CFAP70: variants seen among roughly 807,000 people sequenced by gnomAD.
CFAP70 encodes cilia and flagella associated protein 70.
In CFAP70, 81 loss-of-function variants were observed where a neutral mutation model predicts 137.6. That is an observed-to-expected ratio of 0.59 (90% CI 0.49 to 0.71). The LOEUF (loss-of-function observed/expected upper bound fraction) is 0.71, where lower values mean the gene tolerates loss of function less well. Among genes scored for constraint, CFAP70 ranks in the 30% least tolerant of loss-of-function variants. The pLI, the probability that CFAP70 is intolerant of heterozygous loss-of-function variation, is 0.00. For synonymous variants in CFAP70, 382 were observed against 423.6 expected (o/e 0.90, Z 1.20); for missense variants, 976 against 1,226.7 (o/e 0.80, Z 3.05).
At chr10:73,293,357 G>A in exon 16 of CFAP70, 1 of 1,609,414 alleles carries the variant, frequency 6.2e-7, no homozygotes. Context: ...ATAAATGGTT[G>A]CAACAGTGCC....
At chr10:73,274,707 CT>C (rs1564765765) in intron 22 of CFAP70, 113 bp from the exon 24 acceptor site, 2 of 1,010,614 alleles carry the variant, frequency 2.0e-6, no homozygotes, top group Non-Finnish European at 2.8e-6. Flanking sequence ...TTTCTCTTTT[CT>C]TTTTCAGATC....
intron 25 of CFAP70, among the ~76,000 whole-genome samples, chr10:73,268,673 TC>T (rs2045978670): frequency 6.9e-6 from 1 of 145,726 alleles, no homozygotes; most frequent in African/African-American, 2.5e-5. Flanking sequence ...GGGTAAGAAC[TC>T]TTTTTATTTG....
At chr10:73,316,625 A>G (rs1455259201) in intron 9 of CFAP70, among the ~76,000 whole-genome samples, 1 of 151,430 alleles carries the variant, frequency 6.6e-6, no homozygotes, top group Non-Finnish European at 1.5e-5. Flanking sequence ...TAGGATTACA[A>G]TATACATCCT....
chr10:73,262,376 T>C (rs1344835792), intron 25 of CFAP70, among the ~76,000 whole-genome samples: 1 of 152,114 alleles, frequency 6.6e-6, no homozygotes, highest in Non-Finnish European at 1.5e-5. Context: ...AGATCAGCTG[T>C]CATGGTCTCA....
At chr10:73,330,311 G>A (rs776670537) in intron 8 of CFAP70, among the ~76,000 whole-genome samples, 14 of 151,782 alleles carry the variant, frequency 9.2e-5, no homozygotes, top group East Asian at 1.9e-4. Context: ...TTAGCCGGGC[G>A]TGGTGGTGTG....
In CFAP70 at chr10:73,269,598, G is replaced by C; in HGVS notation, c.3027+16C>G. 1 of 1,595,554 alleles carries C rather than the reference G, an allele frequency of 6.3e-7. No homozygotes were observed. The highest frequency in any genetic ancestry group is 8.6e-7 in the Non-Finnish European group (1 of 1,163,854). On this transcript the variant is annotated intron_variant, in intron 25 of 26. Coordinates refer to ENST00000310715, the Ensembl canonical transcript of CFAP70. ...GTGCCCTAAAAGGGCATTGTGTAAG[G>C]ATAATAAACACTCACTTTCAGGCAG...
intron 25 of CFAP70, among the ~76,000 whole-genome samples, chr10:73,258,398 A>T (rs946563527): frequency 2.6e-5 from 4 of 152,360 alleles, no homozygotes; most frequent in African/African-American, 9.6e-5. Flanking sequence ...ATACTCTTAT[A>T]ATTTCCTATG....
chr10:73,354,443 T>C (rs1223290491), intron 2 of CFAP70, among the ~76,000 whole-genome samples: 1 of 152,182 alleles, frequency 6.6e-6, no homozygotes, highest in East Asian at 1.9e-4. Context: ...TCTGGAAGAA[T>C]TCAGATCCTT....
chr10:73,330,362 A>G (rs2051948890), intron 8 of CFAP70, among the ~76,000 whole-genome samples: 2 of 151,388 alleles, frequency 1.3e-5, no homozygotes, highest in South Asian at 4.2e-4. Flanking sequence ...AGGCAGGAGA[A>G]TCGTTTGAAC....
chr10:73,281,882 A>G (rs2047282746), intron 19 of CFAP70, among the ~76,000 whole-genome samples: 1 of 152,232 alleles, frequency 6.6e-6, no homozygotes, highest in South Asian at 2.1e-4. Context: ...TAAGTGAATT[A>G]ATGCAGGAAC....
chr10:73,307,248 T>C (rs1335001056), intron 12 of CFAP70, among the ~76,000 whole-genome samples: 1 of 151,948 alleles, frequency 6.6e-6, no homozygotes, highest in African/African-American at 2.4e-5. Context: ...CCAAATGGCA[T>C]ACTGCAAAAA....
intron 2 of CFAP70, among the ~76,000 whole-genome samples, chr10:73,353,959 A>C (rs946338160): frequency 6.6e-6 from 1 of 152,268 alleles, no homozygotes; most frequent in Non-Finnish European, 1.5e-5. Context: ...TGGAGTCTTG[A>C]AAATAACATT....
At chr10:73,254,159 T>C in intron 26 of CFAP70, 104 bp from the exon 28 acceptor site, 1 of 873,364 alleles carries the variant, frequency 1.1e-6, no homozygotes, top group Non-Finnish European at 1.7e-6. Flanking sequence ...AGAACATAGT[T>C]CCCTGGGATG....
chr10:73,351,220 G>A (rs1344299393), intron 3 of CFAP70, among the ~76,000 whole-genome samples: 2 of 146,870 alleles, frequency 1.4e-5, no homozygotes, highest in Admixed American at 6.8e-5. Context: ...CTGGGTTCTC[G>A]CCATTCTCCT....
chr10:73,311,603 A>C (rs182413831), intron 11 of CFAP70, among the ~76,000 whole-genome samples: 1 of 152,364 alleles, frequency 6.6e-6, no homozygotes, highest in African/African-American at 2.4e-5. Flanking sequence ...AGAATTAACA[A>C]AAGATATAAT....
At chr10:73,255,928 G>T (rs2044444659) in intron 26 of CFAP70, among the ~76,000 whole-genome samples, 1 of 152,154 alleles carries the variant, frequency 6.6e-6, no homozygotes. Context: ...TGTACTACAA[G>T]TGCAGAGTTT....
intron 25 of CFAP70, among the ~76,000 whole-genome samples, chr10:73,265,053 C>T (rs764957778): frequency 4.6e-5 from 7 of 152,118 alleles, no homozygotes; most frequent in Non-Finnish European, 1.0e-4. Context: ...CGGCCGGGTG[C>T]GGTGGCTCAC....
At chr10:73,339,756 C>T (rs146572852) in intron 6 of CFAP70, among the ~76,000 whole-genome samples, 153 of 152,310 alleles carry the variant, frequency 1.0e-3, no homozygotes, top group African/African-American at 2.8e-3. Flanking sequence ...CTTCCATGGC[C>T]GGCACCAGGG....
chr10:73,273,466 A>G (rs1394819061), intron 23 of CFAP70, among the ~76,000 whole-genome samples: 3 of 152,254 alleles, frequency 2.0e-5, no homozygotes, highest in African/African-American at 7.2e-5. Flanking sequence ...TTAGAATTTT[A>G]GAAAAACTCA....
Sources: allele counts gnomAD v4.1 joint callset (sites outside exome capture counted in the v4.1 genomes callset), GRCh38; gene constraint gnomAD v4.1.1; transcripts MANE v1.5; gene names NCBI Gene and HGNC (gene_info 2026-07-23, HGNC 2026-07-21).